The following HDAC9 variants were observed in gnomAD, a reference collection of about 807,000 sequenced individuals.
HDAC9 encodes histone deacetylase 9, also known as MEF-2 interacting transcription repressor (MITR) protein.
Under a neutral mutation model 139.4 loss-of-function variants are expected in HDAC9, and 41 were observed. That is an observed-to-expected ratio of 0.29 (90% CI 0.23 to 0.38). HDAC9 has a LOEUF of 0.38. Among genes scored for constraint, HDAC9 ranks in the 10% least tolerant of loss-of-function variants. The pLI is 1.00. For synonymous variants in HDAC9, 517 were observed against 476.2 expected (o/e 1.09, Z -1.12); for missense variants, 1,147 against 1,297.0 (o/e 0.88, Z 1.78).
upstream of HDAC9, among the ~76,000 whole-genome samples, chr7:18,287,867 T>C (rs145381162): frequency 3.9e-5 from 6 of 152,330 alleles, no homozygotes; most frequent in African/African-American, 1.4e-4. Flanking sequence ...GCAGTCCTGT[T>C]ATGTGAGAGG....
At chr7:18,880,848 G>A (rs564046579) in intron 22 of HDAC9, among the ~76,000 whole-genome samples, 4 of 150,748 alleles carry the variant, frequency 2.7e-5, no homozygotes, top group Admixed American at 6.6e-5. Context: ...GTTGCCGGGG[G>A]GGGGGGAACC....
chr7:18,640,100 A>T (rs1785090733), intron 8 of HDAC9, among the ~76,000 whole-genome samples: 1 of 151,964 alleles, frequency 6.6e-6, no homozygotes, highest in African/African-American at 2.4e-5. Context: ...AGCTTTTTAA[A>T]ATGTGAGTGA....
intron 2 of HDAC9, among the ~76,000 whole-genome samples, chr7:18,168,978 C>G (rs1323974969): frequency 6.9e-6 from 1 of 144,720 alleles, no homozygotes. Context: ...GTTCTTGTTG[C>G]CCAGGCTGGA....
At chr7:18,234,987 C>A (rs1374923773) in intron 2 of HDAC9, among the ~76,000 whole-genome samples, 1 of 152,052 alleles carries the variant, frequency 6.6e-6, no homozygotes, top group African/African-American at 2.4e-5. Context: ...TATTTGGGAT[C>A]CCCCCAGAGC....
At chr7:18,817,539 C>T (rs80327273) in intron 17 of HDAC9, among the ~76,000 whole-genome samples, 4,493 of 152,208 alleles carry the variant, frequency 0.03, 216 homozygotes, top group African/African-American at 0.1. Context: ...TATGTCCTGA[C>T]CATGTTTCTG....
chr7:18,643,156 CTTA>C (rs1332211303), intron 8 of HDAC9, among the ~76,000 whole-genome samples: 1 of 152,034 alleles, frequency 6.6e-6, no homozygotes, highest in African/African-American at 2.4e-5. Flanking sequence ...TCGTGAAAAG[CTTA>C]TTATTTGTAT....
At chr7:18,987,021 A>C (rs1365872352) in intron 25 of HDAC9, among the ~76,000 whole-genome samples, 4 of 152,308 alleles carry the variant, frequency 2.6e-5, no homozygotes, top group Non-Finnish European at 5.9e-5. Context: ...AAACAGGGAC[A>C]ATTTGACTTC....
chr7:18,568,026 GTATATATATA>G lies in HDAC9; in HGVS notation c.23-17237_23-17228del, dbSNP rs36203178. Among the ~76,000 whole-genome samples, 831 of 126,818 alleles carry G rather than the reference GTATATATATA, an allele frequency of 6.6e-3. 12 individuals carry two copies. The highest frequency in any genetic ancestry group is 0.023 in the African/African-American group (762 of 32,726). 83.2% of individuals were successfully genotyped at this position (126,818 alleles called of 152,430 possible). ...TTATACATACAGGATATATGTATAT[GTATATATATA>G]TATATATATATATATATGTAAGCTT... On this transcript the variant is annotated intron_variant, in intron 2 of 25. Coordinates refer to ENST00000686413, the MANE Select transcript of HDAC9 (RefSeq NM_178425.4).
At chr7:18,953,764 T>G (rs193083115) in intron 23 of HDAC9, among the ~76,000 whole-genome samples, 117 of 152,220 alleles carry the variant, frequency 7.7e-4, no homozygotes, top group African/African-American at 2.6e-3. Context: ...GCCCACTTTC[T>G]GTCTATTGCA....
At chr7:18,682,458 C>A (rs1365705911) in intron 12 of HDAC9, among the ~76,000 whole-genome samples, 1 of 152,024 alleles carries the variant, frequency 6.6e-6, no homozygotes, top group East Asian at 1.9e-4. Flanking sequence ...CATTCACACT[C>A]ACTCTACATA....
intron 2 of HDAC9, among the ~76,000 whole-genome samples, chr7:18,171,765 T>C (rs1788466121): frequency 6.6e-6 from 1 of 152,226 alleles, no homozygotes; most frequent in African/African-American, 2.4e-5. Context: ...TTTCCGTATG[T>C]TGAACCAGCC....
At chr7:18,936,271 G>A (rs185728775) in intron 23 of HDAC9, among the ~76,000 whole-genome samples, 18 of 149,574 alleles carry the variant, frequency 1.2e-4, no homozygotes, top group Admixed American at 3.3e-4. Context: ...TTCTTGTAGG[G>A]TTATGTTATT....
chr7:18,154,505 G>T (rs1354244624), intron 1 of HDAC9, among the ~76,000 whole-genome samples: 1 of 152,178 alleles, frequency 6.6e-6, no homozygotes, highest in Admixed American at 6.6e-5. Context: ...ATGTTTTTGA[G>T]CACCTTCACC....
intron 2 of HDAC9, among the ~76,000 whole-genome samples, chr7:18,198,237 A>G (rs1790861014): frequency 6.6e-6 from 1 of 152,146 alleles, no homozygotes; most frequent in African/African-American, 2.4e-5. Flanking sequence ...TAAAGGTGTG[A>G]CTTTTAAAGA....
At chr7:18,173,699 C>A (rs568687503) in intron 2 of HDAC9, among the ~76,000 whole-genome samples, 3 of 151,826 alleles carry the variant, frequency 2.0e-5, no homozygotes, top group Non-Finnish European at 4.4e-5. Context: ...TTTTATTTCT[C>A]CTTCACTTAG....
rs1049341068 is a variant in HDAC9 at position 18,706,145 on chromosome 7, T to A, written c.1732-21435T>A. 2.8e-5 allele frequency among the ~76,000 whole-genome samples: 4 copies of A among 143,410 alleles called. No homozygotes were observed. The Admixed American group carries it at 2.8e-4, about 10-fold the overall frequency. The allele number at this position is 143,410 out of a possible 152,430, so 94.1% of individuals were successfully genotyped here. ...TTTACATGTGGTAAAATTTTGATCC[T>A]CTCTGAAAGTTTTCCTTTTTTTTTT... On this transcript the variant is annotated intron_variant, in intron 12 of 25. Transcript: ENST00000686413.
chr7:18,805,638 G>A (rs1055454914), intron 17 of HDAC9, among the ~76,000 whole-genome samples: 1 of 152,212 alleles, frequency 6.6e-6, no homozygotes, highest in Non-Finnish European at 1.5e-5. Context: ...TGAAAGAGCT[G>A]ATGAAGGCCT....
chr7:18,435,059 C>CAAAAAAAAAAAAAAA (rs376786180), intron 1 of HDAC9, among the ~76,000 whole-genome samples: 4 of 67,800 alleles, frequency 5.9e-5, no homozygotes, highest in Non-Finnish European at 7.8e-5. Context: ...ACTACACAGC[C>CAAAAAAAAAAAAAAA]AAAAAAAAAA....
upstream of HDAC9, among the ~76,000 whole-genome samples, chr7:18,495,444 C>T (rs890135705): frequency 2.0e-5 from 3 of 151,918 alleles, no homozygotes; most frequent in Non-Finnish European, 2.9e-5. Flanking sequence ...TCTTTGGAAG[C>T]GAATCGCCAG....
Sources: gnomAD v4.1 joint callset for allele counts (sites outside exome capture counted in the v4.1 genomes callset) on GRCh38, gnomAD v4.1.1 for gene constraint, MANE v1.5 for transcripts, NCBI Gene and HGNC (gene_info 2026-07-23, HGNC 2026-07-21) for gene names.